The following ATP2C2 variants were observed in gnomAD, a reference collection of about 807,000 sequenced individuals.
ATP2C2 encodes calcium-transporting ATPase type 2C member 2.
A neutral mutation model predicts 110.8 loss-of-function variants in ATP2C2; 171 were observed. The observed-to-expected ratio is 1.54, with a 90% confidence interval of 1.36 to 1.75. The LOEUF is 1.75. Among genes scored for constraint, ATP2C2 ranks in the 40% most tolerant of loss-of-function variants. ATP2C2 has a pLI of 0.00. For synonymous variants in ATP2C2, 804 were observed against 508.4 expected, an observed-to-expected ratio of 1.58 and a Z score of -7.82; for missense variants, 1,963 against 1,235.0, an observed-to-expected ratio of 1.59 and a Z score of -8.84.
rs769534792 is a variant in ATP2C2 at position 84,439,461 on chromosome 16, G to A, written c.1146G>A (p.Gly382=). The change falls in exon 13 of 27, where the codon GGG becomes GGA. Residue 382 remains glycine, a synonymous_variant. Coordinates refer to ENST00000262429, the MANE Select transcript of ATP2C2 (RefSeq NM_014861.4). ...CCSVLCSDKT[G]TLTANEMTVT... ...GCGTTCTCTGTTCTGACAAGACGGG[G>A]ACTCTGACTGCCAATGAAATGACAG... 6.2e-7 allele frequency: 1 copy of A among 1,614,148 alleles called. No individual in the cohort carries two copies. The highest frequency in any genetic ancestry group is 8.5e-7 in the Non-Finnish European group (1 of 1,180,014).
rs796092154 is a variant in ATP2C2, at chr16:84,403,478, AAAATTTTT to A, written c.211-1649_211-1642del. On this transcript the variant is annotated intron_variant, in intron 2 of 26. Coordinates refer to ENST00000262429, the MANE Select transcript of ATP2C2 (RefSeq NM_014861.4). The stretch of plus-strand genomic sequence containing the variant: ...CTGCCACCACAATGGGCTAATTTTT[AAAATTTTT>A]TTGTAGAGCCAAGATCATGCTATAT... Among the ~76,000 whole-genome samples the A allele has an allele frequency of 4.7e-4, 71 of 151,450 alleles. 1 individual carries two copies. Among genetic ancestry groups the A allele is most frequent in the African/African-American group, 1.6e-3 (67 of 41,228 alleles).
At chr16:84,450,492 A>G (rs1910158131) in intron 17 of ATP2C2, among the ~76,000 whole-genome samples, 1 of 152,126 alleles carries the variant, frequency 6.6e-6, no homozygotes, top group Admixed American at 6.5e-5. Flanking sequence ...AGGCAGGAGT[A>G]TCCTCTTGGG....
chr16:84,429,395 C>T (rs1195725851), intron 11 of ATP2C2, among the ~76,000 whole-genome samples: 1 of 152,128 alleles, frequency 6.6e-6, no homozygotes, highest in Non-Finnish European at 1.5e-5. Flanking sequence ...TCAGGTGATC[C>T]ACCTGCCTCA....
intron 11 of ATP2C2, among the ~76,000 whole-genome samples, chr16:84,427,219 A>G (rs1484428034): frequency 6.6e-6 from 1 of 152,202 alleles, no homozygotes; most frequent in African/African-American, 2.4e-5. Context: ...TAATTAATAC[A>G]TCAAACCCAT....
rs745783930 is a variant in ATP2C2 at position 84,433,280 on chromosome 16, G to T, written c.987-5886G>T. Among the ~76,000 whole-genome samples, 4 of 152,160 alleles carry T rather than the reference G, an allele frequency of 2.6e-5. No individual in the cohort carries two copies. The South Asian group carries it at 6.2e-4, about 24-fold the overall frequency. On this transcript the variant is annotated intron_variant, in intron 11 of 26. Transcript: ENST00000262429. Reference sequence around the variant, plus strand: ...CGCTTGTAGCCCCAGCTACTTGGGAGGCTGAGGCGGGAGGATTGCTTGAGC... The same window carrying T: ...CGCTTGTAGCCCCAGCTACTTGGGATGCTGAGGCGGGAGGATTGCTTGAGC...
chr16:84,453,024 A>G, intron 18 of ATP2C2, 114 bp from the exon 19 acceptor site: 1 of 1,115,182 alleles, frequency 9.0e-7, no homozygotes, highest in South Asian at 1.5e-5. Context: ...GTCCTCAGTA[A>G]ACCGTCTCCA....
At chr16:84,458,527 CATA>C (rs2150592799) in intron 21 of ATP2C2, among the ~76,000 whole-genome samples, 2 of 149,118 alleles carry the variant, frequency 1.3e-5, no homozygotes, top group East Asian at 2.0e-4. Context: ...AAAAAAAAGT[CATA>C]ATATCAGCTC....
chr16:84,455,359 A>G (rs1249292704), intron 21 of ATP2C2, among the ~76,000 whole-genome samples: 1 of 152,150 alleles, frequency 6.6e-6, no homozygotes, highest in East Asian at 1.9e-4. Context: ...ACGTGCTCAC[A>G]CTTGAGTGTG....
chr16:84,455,099 G>A (rs1383414464), intron 21 of ATP2C2, 115 bp downstream of exon 21: 13 of 1,351,786 alleles, frequency 9.6e-6, no homozygotes, highest in South Asian at 7.7e-5. Context: ...TCCCCAGGGA[G>A]AGCTGAATCT....
intron 16 of ATP2C2, 75 bp downstream of exon 16, chr16:84,446,505 C>T (rs62050893): frequency 0.073 from 76,472 of 1,049,474 alleles, 3,139 homozygotes; most frequent in Middle Eastern, 0.14. Context: ...AAAATGCAGA[C>T]TTCAAGGATA....
At chr16:84,447,142 C>G (rs1220600512) in intron 16 of ATP2C2, among the ~76,000 whole-genome samples, 7 of 152,138 alleles carry the variant, frequency 4.6e-5, no homozygotes, top group Admixed American at 4.6e-4. Context: ...TTCTCCACCC[C>G]TCCTCTTCCC....
chr16:84,455,549 CTTAATACATTTACCTTCCTAATT>C (rs71851804), intron 21 of ATP2C2, among the ~76,000 whole-genome samples: 24,948 of 151,872 alleles, frequency 0.16, 2,777 homozygotes, highest in East Asian at 0.58. Context: ...GTATTTTTTT[CTTAATACATTTACCTTCCTAATT>C]TTAATTAGTT....
chr16:84,423,138 G>T (rs776344425), intron 9 of ATP2C2, 50 bp from the exon 10 acceptor site: 1 of 1,518,946 alleles, frequency 6.6e-7, no homozygotes, highest in Non-Finnish European at 9.1e-7. Flanking sequence ...AACAAAGGCA[G>T]GCAGAAGCTA....
intron 4 of ATP2C2, 25 bp downstream of exon 4, chr16:84,408,519 T>G: frequency 1.3e-6 from 2 of 1,595,714 alleles, no homozygotes; most frequent in Non-Finnish European, 1.7e-6. Flanking sequence ...AGCGCTCGGC[T>G]CCCGGGCGGG....
At position 84,439,206 on chromosome 16, in the gene ATP2C2, G is replaced by C; in HGVS notation, c.1027G>C (p.Val343Leu). ...AAIPEGLPIVVMVTLVLGVLR... is the reference protein window; with the variant it reads ...AAIPEGLPIVLMVTLVLGVLR... The stretch of plus-strand genomic sequence containing the variant: ...CATTCCAGAGGGTCTGCCCATCGTC[G>C]TCATGGTGACGCTGGTCCTGGGAGT... Residue 343 changes from valine (V) to leucine (L), a missense_variant, in exon 12 of 27, where the codon GTC becomes CTC. Coordinates refer to ENST00000262429, the MANE Select transcript of ATP2C2 (RefSeq NM_014861.4). 1 of 1,612,222 alleles carries C rather than the reference G, an allele frequency of 6.2e-7. No homozygotes were observed. The highest frequency in any genetic ancestry group is 1.1e-5 in the South Asian group (1 of 90,982).
chr16:84,451,632 G>A (rs1346997394), intron 17 of ATP2C2, among the ~76,000 whole-genome samples: 1 of 152,196 alleles, frequency 6.6e-6, no homozygotes, highest in Non-Finnish European at 1.5e-5. Context: ...GAGGTCAGGA[G>A]TTTGAGACCA....
chr16:84,454,958 G>C lies in ATP2C2; in HGVS notation c.2121G>C (p.Leu707=), dbSNP rs774709479. Reference sequence around the variant, plus strand: ...GCAAAGAGGCCGCCAACATGATCCTGGTGGATGATGACTTCTCAGCCATCA... The same window carrying C: ...GCAAAGAGGCCGCCAACATGATCCTCGTGGATGATGACTTCTCAGCCATCA... ...DVSKEAANMI[L]VDDDFSAIMN... is the part of the protein sequence containing the mutation. Residue 707 remains leucine (L), a synonymous_variant, in exon 21 of 27, where the codon CTG becomes CTC. Transcript: ENST00000262429. The C allele has an allele frequency of 1.9e-6, 3 of 1,613,612 alleles. No individual in the cohort carries two copies. Among genetic ancestry groups the C allele is most frequent in the Non-Finnish European group, 2.5e-6 (3 of 1,179,902 alleles).
chr16:84,431,679 T>C (rs1908294267), intron 11 of ATP2C2, among the ~76,000 whole-genome samples: 1 of 152,028 alleles, frequency 6.6e-6, no homozygotes, highest in South Asian at 2.1e-4. Flanking sequence ...ACAGCTGAGC[T>C]CTGTGAGCAG....
chr16:84,382,022 C>A (rs1381286418), intron 1 of ATP2C2, among the ~76,000 whole-genome samples: 1 of 152,176 alleles, frequency 6.6e-6, no homozygotes, highest in African/African-American at 2.4e-5. Context: ...TTCTGGGATA[C>A]ATGTGCAGAA....
Sources: allele counts gnomAD v4.1 joint callset (sites outside exome capture counted in the v4.1 genomes callset), GRCh38; gene constraint gnomAD v4.1.1; transcripts MANE v1.5; gene names NCBI Gene and HGNC (gene_info 2026-07-23, HGNC 2026-07-21).